The following PCDH11X variants were observed in gnomAD, a reference collection of about 807,000 sequenced individuals.
PCDH11X encodes the protein protocadherin 11 X-linked.
PCDH11X carries 18 observed loss-of-function variants against 53.3 expected under a neutral mutation model. The ratio of observed to expected loss-of-function variants is 0.34; its 90% confidence interval spans 0.23 to 0.50. The LOEUF (loss-of-function observed/expected upper bound fraction) is 0.50, where lower values mean the gene tolerates loss of function less well. PCDH11X is among the 20% of genes least tolerant of loss of function. The pLI, the probability that PCDH11X is intolerant of heterozygous loss-of-function variation, is 0.98. For synonymous variants in PCDH11X, 279 were observed against 393.3 expected, an observed-to-expected ratio of 0.71 and a Z score of 3.44; for missense variants, 570 against 1,032.4, an observed-to-expected ratio of 0.55 and a Z score of 6.14.
intron 6 of PCDH11X, 176 bp from the exon 7 acceptor site, chrX:92,201,199 G>T (rs1305932398): frequency 4.8e-6 from 1 of 206,293 alleles, no homozygotes; most frequent in African/African-American, 3.1e-5. Flanking sequence ...GCTATGTGTG[G>T]CATATTGTTA....
Position 92,387,746 on chromosome X carries a change from T to C in PCDH11X, c.3156T>C (p.Arg1052=), listed in dbSNP as rs764149028. ...EGKVAGKSQR[R]VTFHLPEGSQ... is the part of the protein sequence containing the mutation. ...ATTCTCCCTTTCAGTCCCAGCGGCG[T>C]GTCACATTTCACCTGCCAGAAGGCT... Residue 1052 remains arginine (R), a synonymous_variant, in exon 9 of 11, where the codon CGT becomes CGC. Coordinates refer to ENST00000682573, the MANE Select transcript of PCDH11X (RefSeq NM_032968.5). The C allele has an allele frequency of 1.7e-5, 21 of 1,210,374 alleles. No homozygotes were observed. The highest frequency in any genetic ancestry group is 2.0e-5 in the Non-Finnish European group (18 of 895,287).
chrX:92,061,928 A>G (rs923438959), intron 6 of PCDH11X, among the ~76,000 whole-genome samples: 15 of 111,748 alleles, frequency 1.3e-4, no homozygotes, highest in Middle Eastern at 4.6e-3. Context: ...ATTTAACAAT[A>G]TTGATCCTTC....
At chrX:92,293,679 C>A (rs1478535635) in intron 8 of PCDH11X, among the ~76,000 whole-genome samples, 2 of 109,371 alleles carry the variant, frequency 1.8e-5, no homozygotes, top group Non-Finnish European at 3.8e-5. Context: ...TATTTTGGCA[C>A]GCAGAAGCAC....
intron 8 of PCDH11X, among the ~76,000 whole-genome samples, chrX:92,295,940 G>A: frequency 9.1e-6 from 1 of 109,588 alleles, no homozygotes; most frequent in Middle Eastern, 4.7e-3. Context: ...AAAATTAGCT[G>A]GGCATGGTGG....
rs190061305 is a variant in PCDH11X at position 91,844,110 on chromosome X, T to C, written c.540+8066T>C. Reference sequence around the variant, plus strand: ...ATAGTTATGGGTTTTACTCTGTAGGTTGAGGTTAATTACAGTCTTTCACAA... The same window carrying C: ...ATAGTTATGGGTTTTACTCTGTAGGCTGAGGTTAATTACAGTCTTTCACAA... On this transcript the variant is annotated intron_variant, in intron 5 of 10. Coordinates refer to ENST00000682573, the MANE Select transcript of PCDH11X (RefSeq NM_032968.5). Among the ~76,000 whole-genome samples, 246 of 111,903 alleles carry C rather than the reference T, an allele frequency of 2.2e-3. 2 individuals carry two copies. The highest frequency in any genetic ancestry group is 7.5e-3 in the African/African-American group (231 of 30,855).
intron 1 of PCDH11X, among the ~76,000 whole-genome samples, chrX:91,801,511 A>T (rs1338120827): frequency 8.9e-6 from 1 of 112,011 alleles, no homozygotes; most frequent in Non-Finnish European, 1.9e-5. Flanking sequence ...ATTTTCCAGA[A>T]TAAAGTAAAC....
intron 6 of PCDH11X, among the ~76,000 whole-genome samples, chrX:91,917,264 T>G (rs1941595249): frequency 9.4e-6 from 1 of 106,414 alleles, no homozygotes; most frequent in Non-Finnish European, 1.9e-5. Context: ...GACAAGGATG[T>G]CCAGTTTTAC....
intron 10 of PCDH11X, among the ~76,000 whole-genome samples, chrX:92,588,610 GAAAGAAT>G (rs1272021005): frequency 2.8e-5 from 3 of 108,911 alleles, no homozygotes; most frequent in Admixed American, 2.0e-4. Flanking sequence ...ACACAGAGAA[GAAAGAAT>G]AAAGAATAAA....
At chrX:92,000,625 G>A (rs1316595982) in intron 6 of PCDH11X, among the ~76,000 whole-genome samples, 2 of 109,877 alleles carry the variant, frequency 1.8e-5, no homozygotes, top group African/African-American at 6.6e-5. Flanking sequence ...ATTAAGTTGT[G>A]ATTGACTATG....
intron 6 of PCDH11X, among the ~76,000 whole-genome samples, chrX:92,111,870 C>A (rs903701714): frequency 1.8e-5 from 2 of 110,053 alleles, no homozygotes; most frequent in African/African-American, 6.6e-5. Flanking sequence ...CATTCTCCTG[C>A]CTCAGCCTCC....
chrX:92,144,058 T>A (rs2065232116), intron 6 of PCDH11X, among the ~76,000 whole-genome samples: 1 of 111,893 alleles, frequency 8.9e-6, no homozygotes, highest in Admixed American at 9.5e-5. Flanking sequence ...TTTTTTTAGA[T>A]GATTTCTTCC....
intron 9 of PCDH11X, among the ~76,000 whole-genome samples, chrX:92,461,497 A>G (rs1447289149): frequency 8.9e-6 from 1 of 112,269 alleles, no homozygotes; most frequent in African/African-American, 3.2e-5. Context: ...GGAAAACTGG[A>G]TATCCATATG....
intron 9 of PCDH11X, among the ~76,000 whole-genome samples, chrX:92,425,179 G>A (rs2072078377): frequency 9.0e-6 from 1 of 111,063 alleles, no homozygotes; most frequent in Non-Finnish European, 1.9e-5. Context: ...ATGATCTAAT[G>A]TATGTTTTAA....
intron 5 of PCDH11X, among the ~76,000 whole-genome samples, chrX:91,876,256 G>A (rs1939610228): frequency 9.1e-6 from 1 of 109,774 alleles, no homozygotes; most frequent in South Asian, 3.9e-4. Flanking sequence ...TACAAATATG[G>A]TGGTGTGTAT....
chrX:92,391,081 T>C (rs1475248912), intron 9 of PCDH11X, among the ~76,000 whole-genome samples: 2 of 102,831 alleles, frequency 1.9e-5, no homozygotes, highest in Non-Finnish European at 4.0e-5. Context: ...ACTGTGGCCA[T>C]TGGACTAAGG....
At chrX:92,508,456 C>T (rs1269072433) in intron 10 of PCDH11X, among the ~76,000 whole-genome samples, 1 of 108,867 alleles carries the variant, frequency 9.2e-6, no homozygotes, top group Non-Finnish European at 1.9e-5. Flanking sequence ...TTCCTGACCT[C>T]GTGATCCACC....
intron 6 of PCDH11X, among the ~76,000 whole-genome samples, chrX:91,932,113 G>A (rs890509875): frequency 9.0e-6 from 1 of 110,553 alleles, no homozygotes; most frequent in African/African-American, 3.3e-5. Flanking sequence ...AGTTTGCGGA[G>A]GATAACGGCT....
rs1022931824 is a variant in PCDH11X at position 91,779,404 on chromosome X, G to T, written c.-659G>T. 39 of 109,756 alleles carry T rather than the reference G, an allele frequency of 3.6e-4. No individual in the cohort carries two copies. Among genetic ancestry groups the T allele is most frequent in the African/African-American group, 1.3e-3 (39 of 30,157 alleles). The allele number at this position is 109,756 out of a possible 1,213,427, so 9.0% of individuals were successfully genotyped here. On this transcript the variant is annotated 5_prime_UTR_variant, in exon 1 of 11. Transcript: ENST00000682573. ...TCGGCGAACTGTCGGGGCGGGAGGA[G>T]CCGTGAGCAGTAGCTGCACTCAGCT...
At position 92,618,514 on chromosome X, in the gene PCDH11X, A is replaced by G. The variant is rs1928242706; in HGVS notation, c.3618A>G (p.Ala1206=). Residue 1206 remains alanine (A), a synonymous_variant, in exon 11 of 11, where the codon GCA becomes GCG. Transcript: ENST00000682573. ...GCCCTCCAGTGACACAGACCATCGC[A>G]TTGTGCCACAGCCCACCACCGATAC... ...CHSPPVTQTI[A]LCHSPPPIQV... 2 of 1,210,211 alleles carry G rather than the reference A, an allele frequency of 1.7e-6. No homozygotes were observed. Among genetic ancestry groups the G allele is most frequent in the Non-Finnish European group, 2.2e-6 (2 of 894,989 alleles).
Sources: gnomAD v4.1 joint callset for allele counts (sites outside exome capture counted in the v4.1 genomes callset) on GRCh38, gnomAD v4.1.1 for gene constraint, MANE v1.5 for transcripts, NCBI Gene and HGNC (gene_info 2026-07-23, HGNC 2026-07-21) for gene names.